The following PTPN21 variants were observed in gnomAD, a reference collection of about 807,000 sequenced individuals.
PTPN21 encodes tyrosine-protein phosphatase non-receptor type 21.
Under a neutral mutation model 131.8 loss-of-function variants are expected in PTPN21, and 77 were observed. That is an observed-to-expected ratio of 0.58 (90% CI 0.49 to 0.71). The LOEUF is 0.71. Ranked by LOEUF, PTPN21 falls within the 30% of genes least tolerant of loss-of-function variation. PTPN21 has a pLI of 0.00. For synonymous variants in PTPN21, 715 were observed against 621.3 expected, an observed-to-expected ratio of 1.15 and a Z score of -2.24; for missense variants, 1,552 against 1,527.1, an observed-to-expected ratio of 1.02 and a Z score of -0.27.
intron 6 of PTPN21, 85 bp downstream of exon 6, chr14:88,504,340 T>G (rs561201171): frequency 2.7e-6 from 3 of 1,111,336 alleles, no homozygotes; most frequent in Non-Finnish European, 4.0e-6. Context: ...ATATTAATCA[T>G]GTAAATTAAA....
intron 2 of PTPN21, among the ~76,000 whole-genome samples, chr14:88,537,523 G>A (rs1403329968): frequency 5.3e-5 from 8 of 152,030 alleles, no homozygotes; most frequent in African/African-American, 1.9e-4. Flanking sequence ...CTGGGAACTA[G>A]GAATACAGCA....
intron 10 of PTPN21, among the ~76,000 whole-genome samples, chr14:88,491,231 T>C (rs1375366561): frequency 2.0e-5 from 3 of 152,236 alleles, no homozygotes; most frequent in African/African-American, 7.2e-5. Context: ...GGCTGTTGGA[T>C]TATGCCATTG....
chr14:88,475,555 A>G (rs1325995641), intron 13 of PTPN21, among the ~76,000 whole-genome samples: 1 of 152,204 alleles, frequency 6.6e-6, no homozygotes, highest in Non-Finnish European at 1.5e-5. Context: ...ACAGGCATAC[A>G]GACTAAACAC....
chr14:88,479,880 G>A lies in PTPN21; in HGVS notation c.1551C>T (p.Ser517=), dbSNP rs140627478. ...AGGGGTAGGGAGACGGGCTGTGGAA[G>A]CTGTAGCTCAGGCTGAACGGGCAGT... ...AAHCPFSLSY[S]FHSPSPYPYP... is the part of the protein sequence containing the mutation. Residue 517 remains serine, a synonymous_variant, in exon 13 of 19, where the codon AGC becomes AGT. Transcript: ENST00000556564. 1.5e-4 allele frequency: 241 copies of A among 1,583,510 alleles called. 2 individuals carry two copies. In the African/African-American group the frequency reaches 2.8e-3, roughly 19 times the overall value.
At chr14:88,550,079 C>T (rs1307194829) in intron 2 of PTPN21, among the ~76,000 whole-genome samples, 159 bp downstream of exon 2, 1 of 151,982 alleles carries the variant, frequency 6.6e-6, no homozygotes, top group Admixed American at 6.6e-5. Flanking sequence ...CCACTGCGCC[C>T]GGCCTTGTAT....
intron 3 of PTPN21, among the ~76,000 whole-genome samples, 184 bp from the exon 4 acceptor site, chr14:88,508,204 A>G (rs929928102): frequency 4.7e-5 from 7 of 150,192 alleles, no homozygotes; most frequent in Non-Finnish European, 1.0e-4. Context: ...GCTCGAGTGC[A>G]GTGGCATGAT....
rs1298108304 is a variant in PTPN21 at position 88,469,680 on chromosome 14, G to A, written c.3054C>T (p.His1018=). ...FRYWPRLGSR[H]NTVTYGRFKI... ...TAAACCTTCCATAGGTGACAGTGTT[G>A]TGCCTGGAACCAAGTCGTGGCCAGT... Residue 1018 remains histidine, a synonymous_variant, in exon 17 of 19, where the codon CAC becomes CAT. Coordinates refer to ENST00000556564, the MANE Select transcript of PTPN21 (RefSeq NM_007039.4). This position sits in a 1 kb window ranked among gnomAD's most constrained non-coding sequence, Gnocchi z 4.3. The A allele has an allele frequency of 1.2e-6, 2 of 1,614,032 alleles. No homozygotes were observed. The highest frequency in any genetic ancestry group is 1.7e-6 in the Non-Finnish European group (2 of 1,180,042).
chr14:88,504,616 AT>A (rs2078060913), intron 5 of PTPN21, 121 bp from the exon 6 acceptor site: 2 of 707,572 alleles, frequency 2.8e-6, no homozygotes, highest in Non-Finnish European at 4.9e-6. Context: ...TATTGTTACT[AT>A]ATGGGAGCTT....
chr14:88,473,294 ACT>A (rs1161346003), intron 14 of PTPN21, among the ~76,000 whole-genome samples: 1 of 152,132 alleles, frequency 6.6e-6, no homozygotes, highest in Admixed American at 6.5e-5. Flanking sequence ...TTGAGAAACT[ACT>A]CTCGAGATAA....
At chr14:88,503,323 G>A (rs765288169) in intron 6 of PTPN21, among the ~76,000 whole-genome samples, 1 of 152,146 alleles carries the variant, frequency 6.6e-6, no homozygotes, top group Non-Finnish European at 1.5e-5. Flanking sequence ...GTGAGCCACT[G>A]CTCCCAGCCA....
At chr14:88,525,315 A>T (rs2078458061) in intron 2 of PTPN21, among the ~76,000 whole-genome samples, 1 of 152,130 alleles carries the variant, frequency 6.6e-6, no homozygotes, top group Admixed American at 6.5e-5. Context: ...AATATTTGCA[A>T]ATTATATATC....
intron 2 of PTPN21, among the ~76,000 whole-genome samples, chr14:88,521,071 TG>T (rs2078383849): frequency 1.3e-5 from 2 of 151,892 alleles, no homozygotes; most frequent in Admixed American, 1.3e-4. Context: ...GATCTTAAAC[TG>T]GCTTCAAGTG....
intron 13 of PTPN21, among the ~76,000 whole-genome samples, chr14:88,478,348 G>A (rs1194696046): frequency 6.6e-6 from 1 of 152,152 alleles, no homozygotes; most frequent in African/African-American, 2.4e-5. Flanking sequence ...TAAGAAACCT[G>A]GACGTCTCAG....
At chr14:88,507,539 A>G (rs1015393196) in intron 4 of PTPN21, among the ~76,000 whole-genome samples, 1 of 152,198 alleles carries the variant, frequency 6.6e-6, no homozygotes, top group African/African-American at 2.4e-5. Flanking sequence ...TTGTGTATCT[A>G]AACACAGAAA....
At chr14:88,494,109 C>T (rs1275310996) in intron 10 of PTPN21, among the ~76,000 whole-genome samples, 1 of 152,092 alleles carries the variant, frequency 6.6e-6, no homozygotes. Flanking sequence ...GGTAAAGAGA[C>T]AGATCATAGT....
At chr14:88,549,493 G>A (rs961222364) in intron 2 of PTPN21, among the ~76,000 whole-genome samples, 5 of 152,180 alleles carry the variant, frequency 3.3e-5, no homozygotes, top group Non-Finnish European at 7.3e-5. Flanking sequence ...TCATGAGGAG[G>A]GGACTACAGG....
At chr14:88,470,380 C>CTA (rs2077442548) in intron 15 of PTPN21, 1 of 252,532 alleles carries the variant, frequency 4.0e-6, no homozygotes, top group South Asian at 6.2e-5. Context: ...GAGTCAGTAT[C>CTA]TATGGTACCT....
At chr14:88,472,075 A>G (rs1488854592) in intron 15 of PTPN21, among the ~76,000 whole-genome samples, 169 bp downstream of exon 15, 1 of 152,226 alleles carries the variant, frequency 6.6e-6, no homozygotes, top group Non-Finnish European at 1.5e-5. Flanking sequence ...CCCAGCTTGC[A>G]GTACAGTTTG....
At chr14:88,477,666 A>G (rs2077568211) in intron 13 of PTPN21, among the ~76,000 whole-genome samples, 1 of 152,026 alleles carries the variant, frequency 6.6e-6, no homozygotes, top group Non-Finnish European at 1.5e-5. Context: ...TTTAGCAGCG[A>G]TGGGGGGAGG....
Sources: allele counts gnomAD v4.1 joint callset (sites outside exome capture counted in the v4.1 genomes callset), GRCh38; gene constraint gnomAD v4.1.1; non-coding constraint Gnocchi (gnomAD v3.1); transcripts MANE v1.5; gene names NCBI Gene and HGNC (gene_info 2026-07-23, HGNC 2026-07-21).